Variants in PLAA observed in about 807,000 individuals in gnomAD.
PLAA encodes the protein phospholipase A2 activating protein.
PLAA carries 48 observed loss-of-function variants against 84.1 expected under a neutral mutation model. The observed-to-expected ratio is 0.57, with a 90% CI of 0.45 to 0.73. The LOEUF (loss-of-function observed/expected upper bound fraction) is 0.73, where lower values mean the gene tolerates loss of function less well. Among genes scored for constraint, PLAA ranks in the 30% least tolerant of loss-of-function variants. The pLI, the probability that PLAA is intolerant of heterozygous loss-of-function variation, is 0.00. For missense variants in PLAA, 903 were observed against 954.7 expected (o/e 0.95, Z 0.71); for synonymous variants, 392 against 336.6 (o/e 1.16, Z -1.80).
chr9:26,919,251 CA>C, intron 9 of PLAA, 58 bp downstream of exon 9: 10 of 1,066,452 alleles, frequency 9.4e-6, no homozygotes, highest in South Asian at 1.6e-5. Context: ...TTGAAAACAT[CA>C]AAAAAATCAA....
intron 9 of PLAA, 85 bp downstream of exon 9, chr9:26,919,225 C>A: frequency 1.3e-6 from 1 of 746,988 alleles, no homozygotes; most frequent in Non-Finnish European, 2.2e-6. Context: ...ATTGAAAAAG[C>A]TAATCACATG....
At chr9:26,919,572 T>C (rs1414802059) in intron 8 of PLAA, 43 bp from the exon 9 acceptor site, 1 of 995,570 alleles carries the variant, frequency 1.0e-6, no homozygotes, top group Admixed American at 1.8e-5. Flanking sequence ...TTATTATCTG[T>C]TCACATATAT....
chr9:26,940,581 T>C (rs1825500064), intron 1 of PLAA, among the ~76,000 whole-genome samples: 1 of 152,196 alleles, frequency 6.6e-6, no homozygotes, highest in Non-Finnish European at 1.5e-5. Context: ...TGGTGATGGT[T>C]ACACATTATG....
chr9:26,941,169 A>AAAAAAAAAAAAAAAAC (rs1563921251), intron 1 of PLAA, among the ~76,000 whole-genome samples: 1 of 144,778 alleles, frequency 6.9e-6, no homozygotes, highest in African/African-American at 2.6e-5. Context: ...AAAAAAAAAC[A>AAAAAAAAAAAAAAAAC]AAAACAAAAC....
intron 1 of PLAA, among the ~76,000 whole-genome samples, chr9:26,940,973 G>A (rs1427378796): frequency 6.6e-6 from 1 of 152,120 alleles, no homozygotes; most frequent in African/African-American, 2.4e-5. Flanking sequence ...CCCACTATGT[G>A]TAACCCTTAA....
intron 2 of PLAA, among the ~76,000 whole-genome samples, chr9:26,932,830 T>C (rs1400743286): frequency 6.6e-6 from 1 of 152,172 alleles, no homozygotes; most frequent in African/African-American, 2.4e-5. Context: ...CACACAAACA[T>C]TTAAAAAATT....
intron 5 of PLAA, 22 bp downstream of exon 5, chr9:26,926,370 TA>T (rs1487233901): frequency 6.7e-7 from 1 of 1,483,662 alleles, no homozygotes. Flanking sequence ...AAACATTAAA[TA>T]AATAGCATAA....
intron 11 of PLAA, among the ~76,000 whole-genome samples, chr9:26,912,968 A>T (rs1307484971): frequency 1.3e-5 from 2 of 152,188 alleles, no homozygotes; most frequent in Non-Finnish European, 2.9e-5. Context: ...TGCGCATGTA[A>T]ACCCAACTAC....
Position 26,907,896 on chromosome 9 carries a change from G to T in PLAA, c.1760C>A (p.Ser587Tyr). The T allele has an allele frequency of 6.2e-7, 1 of 1,611,760 alleles. No homozygotes were observed. Among genetic ancestry groups the T allele is most frequent in the Non-Finnish European group, 8.5e-7 (1 of 1,179,296 alleles). The change falls in exon 13 of 14, where the codon TCT (serine) becomes TAT (tyrosine). Residue 587 changes from serine (S) to tyrosine (Y), a missense_variant. Coordinates refer to ENST00000397292, the MANE Select transcript of PLAA (RefSeq NM_001031689.3). ...EKILSLICNSSSEKPTVQQLQ... is the reference protein window; with the variant it reads ...EKILSLICNSYSEKPTVQQLQ... ...TTGCTGGACTGTGGGTTTTTCTGAA[G>T]AACTATTACATATTAGAGACAGTAT...
At chr9:26,924,238 C>G (rs957982325) in intron 6 of PLAA, among the ~76,000 whole-genome samples, 1 of 152,242 alleles carries the variant, frequency 6.6e-6, no homozygotes, top group East Asian at 1.9e-4. Flanking sequence ...CCAAGCAATC[C>G]TCCCACCTCA....
At chr9:26,921,578 T>C (rs1040704498) in intron 7 of PLAA, among the ~76,000 whole-genome samples, 1 of 152,224 alleles carries the variant, frequency 6.6e-6, no homozygotes, top group African/African-American at 2.4e-5. Flanking sequence ...GACAAGTCTT[T>C]TCAGAAAATG....
At position 26,913,878 on chromosome 9, in the gene PLAA, C is replaced by A; in HGVS notation, c.1555+1G>T. On this transcript the variant is annotated splice_donor_variant, in intron 11 of 13. Transcript: ENST00000397292. LOFTEE classifies it high-confidence loss of function. ...AAGAAAAAGAAATAAAAAGTATGTA[C>A]CTGTAAATGGATCAACTCCGGCCAT... 6.3e-7 allele frequency: 1 copy of A among 1,598,906 alleles called. No homozygotes were observed. The highest frequency in any genetic ancestry group is 1.7e-5 in the Admixed American group (1 of 59,812).
At chr9:26,915,003 AG>A (rs1370069464) in intron 10 of PLAA, among the ~76,000 whole-genome samples, 1 of 151,918 alleles carries the variant, frequency 6.6e-6, no homozygotes, top group African/African-American at 2.4e-5. Flanking sequence ...ACCTGAGGTC[AG>A]GAGTTCGAGA....
At chr9:26,918,592 G>A (rs1824651699) in intron 9 of PLAA, among the ~76,000 whole-genome samples, 1 of 152,130 alleles carries the variant, frequency 6.6e-6, no homozygotes, top group African/African-American at 2.4e-5. Context: ...ATAATACAAA[G>A]TCCTCGTAAA....
chr9:26,942,667 G>A (rs1316934194), intron 1 of PLAA, among the ~76,000 whole-genome samples: 5 of 152,158 alleles, frequency 3.3e-5, no homozygotes, highest in Non-Finnish European at 5.9e-5. Context: ...CGGATCACGA[G>A]GTCAGGAGAT....
chr9:26,905,310 T>C lies in PLAA; in HGVS notation c.*201A>G. ...AAATTTGTGTTCACACTCTTGAAAATCTACCCAAATTACACAGGAAAATCT... is the reference window on the plus strand; with the variant it reads ...AAATTTGTGTTCACACTCTTGAAAACCTACCCAAATTACACAGGAAAATCT... On this transcript the variant is annotated 3_prime_UTR_variant, in exon 14 of 14. Coordinates refer to ENST00000397292, the MANE Select transcript of PLAA (RefSeq NM_001031689.3). 1 of 539,234 alleles carries C rather than the reference T, an allele frequency of 1.9e-6. No homozygotes were observed. Among genetic ancestry groups the C allele is most frequent in the Non-Finnish European group, 3.3e-6 (1 of 306,458 alleles). 33.4% of individuals were successfully genotyped at this position (539,234 alleles called of 1,614,324 possible). A position where few individuals can be genotyped will look rare whatever the true frequency, so the allele number is the denominator to read the frequency against.
At chr9:26,914,580 C>CA (rs11455055) in intron 10 of PLAA, among the ~76,000 whole-genome samples, 41,773 of 141,340 alleles carry the variant, frequency 0.3, 6,662 homozygotes, top group East Asian at 0.64. Context: ...AAAGCAAAAC[C>CA]AAAAAAAAAA....
intron 2 of PLAA, among the ~76,000 whole-genome samples, chr9:26,933,422 A>G (rs1398640717): frequency 6.6e-6 from 1 of 152,070 alleles, no homozygotes; most frequent in Non-Finnish European, 1.5e-5. Context: ...ACTGCACTCC[A>G]GCCTGGTGAC....
rs564714113 is a variant in PLAA, at chr9:26,908,777, A to G, written c.1658-779T>C. Among the ~76,000 whole-genome samples the G allele has an allele frequency of 1.4e-4, 22 of 152,246 alleles. No individual in the cohort carries two copies. The East Asian group carries it at 1.7e-3, about 12-fold the overall frequency. On this transcript the variant is annotated intron_variant, in intron 12 of 13. Transcript: ENST00000397292. Reference sequence around the variant, plus strand: ...GCATGAGCCACCACGTCCGGCCTCCATTTTGGATGACTTTCAAAGCAGTAT... The same window carrying G: ...GCATGAGCCACCACGTCCGGCCTCCGTTTTGGATGACTTTCAAAGCAGTAT...
Sources: gnomAD v4.1 joint callset for allele counts (sites outside exome capture counted in the v4.1 genomes callset) on GRCh38, gnomAD v4.1.1 for gene constraint, MANE v1.5 for transcripts, NCBI Gene and HGNC (gene_info 2026-07-23, HGNC 2026-07-21) for gene names.